Variants in SRRM1 observed in about 807,000 individuals in gnomAD.
SRRM1 encodes serine and arginine repetitive matrix 1, also known as serine/arginine repetitive matrix protein 1.
SRRM1 carries 19 observed loss-of-function variants against 110.2 expected under a neutral mutation model. The observed-to-expected ratio is 0.17, with a 90% CI of 0.12 to 0.25. SRRM1 has a LOEUF of 0.25. SRRM1 is among the 10% of genes least tolerant of loss of function. The pLI is 1.00. For missense variants in SRRM1, 918 were observed against 1,145.8 expected (o/e 0.80, Z 2.87); for synonymous variants, 443 against 414.9 (o/e 1.07, Z -0.82).
rs1038405035 is a variant in SRRM1 at position 24,667,965 on chromosome 1, C to CTTTTTTTTTTTTTTTTTTTT, written c.1739+1048_1739+1067dup. On this transcript the variant is annotated intron_variant, in intron 13 of 16. Transcript: ENST00000323848. The stretch of plus-strand genomic sequence containing the variant: ...AGCAATGTAATGACATGCTGCCACT[C>CTTTTTTTTTTTTTTTTTTTT]TTTTTTTTTTTTTTTTTTTTTTTTT... Among the ~76,000 whole-genome samples, 24 of 68,528 alleles carry CTTTTTTTTTTTTTTTTTTTT rather than the reference C, an allele frequency of 3.5e-4. 5 individuals carry two copies. The highest frequency in any genetic ancestry group is 3.8e-4 in the Non-Finnish European group (14 of 36,858). 45.0% of individuals were successfully genotyped at this position (68,528 alleles called of 152,430 possible).
Position 24,651,441 on chromosome 1 carries a change from G to A in SRRM1, c.554G>A (p.Arg185Gln), listed in dbSNP as rs765002011. ...TCCAGATCTCCTTCCCCTAGAAGAC[G>A]ATCTTCCCCTGTCAGGAGAGAGAGA... The part of the protein sequence containing the change: ...RKSRSPSPRR[R>Q]SSPVRRERKR... Residue 185 changes from arginine to glutamine, a missense_variant, in exon 6 of 17, where the codon CGA becomes CAA. Arg to Gln is a conservative substitution (Grantham distance 43). Coordinates refer to ENST00000323848, the MANE Select transcript of SRRM1 (RefSeq NM_005839.4). The A allele has an allele frequency of 3.1e-6, 5 of 1,613,982 alleles. No individual in the cohort carries two copies. The highest frequency in any genetic ancestry group is 1.7e-5 in the Admixed American group (1 of 60,004).
At position 24,667,965 on chromosome 1, in the gene SRRM1, C is replaced by CTTTTTT. The variant is rs1038405035; in HGVS notation, c.1739+1062_1739+1067dup. On this transcript the variant is annotated intron_variant, in intron 13 of 16. Coordinates refer to ENST00000323848, the MANE Select transcript of SRRM1 (RefSeq NM_005839.4). ...AGCAATGTAATGACATGCTGCCACT[C>CTTTTTT]TTTTTTTTTTTTTTTTTTTTTTTTT... 2.6e-4 allele frequency among the ~76,000 whole-genome samples: 18 copies of CTTTTTT among 68,528 alleles called. 4 individuals carry two copies. Among genetic ancestry groups the CTTTTTT allele is most frequent in the African/African-American group, 6.2e-4 (9 of 14,550 alleles). 45.0% of individuals were successfully genotyped at this position (68,528 alleles called of 152,430 possible). A position where few individuals can be genotyped will look rare whatever the true frequency, so the allele number is the denominator to read the frequency against.
intron 8 of SRRM1, 141 bp from the exon 9 acceptor site, chr1:24,654,714 C>A: frequency 1.0e-6 from 1 of 977,134 alleles, no homozygotes; most frequent in Non-Finnish European, 1.5e-6. Flanking sequence ...TTCCCCCATT[C>A]TTTTGGACTC....
At position 24,646,762 on chromosome 1, in the gene SRRM1, G is replaced by A. The variant is rs1465207742; in HGVS notation, c.207G>A (p.Glu69=). The A allele has an allele frequency of 6.2e-7, 1 of 1,605,070 alleles. No individual in the cohort carries two copies. Among genetic ancestry groups the A allele is most frequent in the African/African-American group, 1.3e-5 (1 of 74,366 alleles). ...ILGFEDDVVI[E]FIFNQLEVKN... ...GGTTTGAAGATGATGTTGTGATTGA[G>A]TTTATATTCAACCAGCTGGAAGTGA... is the stretch of plus-strand genomic sequence containing the variant. The change falls in exon 3 of 17, where the codon GAG becomes GAA. Residue 69 remains glutamate (E), a synonymous_variant. Transcript: ENST00000323848.
At chr1:24,660,932 G>A in intron 10 of SRRM1, 133 bp downstream of exon 10, 1 of 573,390 alleles carries the variant, frequency 1.7e-6, no homozygotes, top group Non-Finnish European at 3.0e-6. Flanking sequence ...CTAAGACTCT[G>A]AAGGCAGACA....
At chr1:24,649,088 C>T in intron 4 of SRRM1, 59 bp downstream of exon 4, 1 of 1,477,842 alleles carries the variant, frequency 6.8e-7, no homozygotes, top group Non-Finnish European at 9.3e-7. Context: ...GCTGCCGAGA[C>T]ACCTTAGGTA....
At position 24,655,036 on chromosome 1, in the gene SRRM1, C is replaced by T; in HGVS notation, c.1222C>T (p.Pro408Ser). The change falls in exon 9 of 17, where the codon CCA (proline) becomes TCA (serine). Residue 408 changes from proline (P) to serine (S), a missense_variant. Coordinates refer to ENST00000323848, the MANE Select transcript of SRRM1 (RefSeq NM_005839.4). ...RHRPSPPATP[P>S]PKTRHSPTPQ... ...CAGGCCATCACCTCCTGCAACTCCA[C>T]CACCCAAAACTCGGCATTCCCCTAC... is the stretch of plus-strand genomic sequence containing the variant. The T allele has an allele frequency of 6.2e-7, 1 of 1,614,208 alleles. No individual in the cohort carries two copies. Among genetic ancestry groups the T allele is most frequent in the South Asian group, 1.1e-5 (1 of 91,082 alleles).
chr1:24,670,961 A>G (rs1032636411), intron 15 of SRRM1, among the ~76,000 whole-genome samples: 2 of 152,236 alleles, frequency 1.3e-5, no homozygotes, highest in Admixed American at 6.5e-5. Context: ...GTAGCTAGAG[A>G]CATGGCATTC....
intron 12 of SRRM1, among the ~76,000 whole-genome samples, chr1:24,664,489 G>A (rs1171178308): frequency 2.0e-5 from 3 of 152,194 alleles, no homozygotes; most frequent in Non-Finnish European, 4.4e-5. Flanking sequence ...ACACTAGTCT[G>A]TCTTAACCAG....
chr1:24,645,957 A>T (rs752405722), intron 1 of SRRM1, 27 bp from the exon 2 acceptor site: 1 of 1,593,124 alleles, frequency 6.3e-7, no homozygotes, highest in Admixed American at 1.7e-5. Context: ...TTGAACCCTT[A>T]GTTAAGATGT....
chr1:24,643,366 C>G lies in SRRM1; in HGVS notation c.21+19C>G. On this transcript the variant is annotated intron_variant, in intron 1 of 16. Coordinates refer to ENST00000323848, the MANE Select transcript of SRRM1 (RefSeq NM_005839.4). Reference sequence around the variant, plus strand: ...TTTCCGCGTAAGTAGAAGCGCCGGGCGCCGGGGTGAGGCCAGGGACTTCTC... The same window carrying G: ...TTTCCGCGTAAGTAGAAGCGCCGGGGGCCGGGGTGAGGCCAGGGACTTCTC... 6.5e-7 allele frequency: 1 copy of G among 1,546,178 alleles called. No homozygotes were observed. Among genetic ancestry groups the G allele is most frequent in the Non-Finnish European group, 8.7e-7 (1 of 1,152,038 alleles).
At chr1:24,651,263 A>G (rs1660499775) in intron 5 of SRRM1, 146 bp from the exon 6 acceptor site, 1 of 643,748 alleles carries the variant, frequency 1.6e-6, no homozygotes, top group Non-Finnish European at 2.7e-6. Context: ...TGTCAAGTAG[A>G]TTAGGTTAGC....
intron 12 of SRRM1, among the ~76,000 whole-genome samples, chr1:24,666,315 T>C (rs1441165246): frequency 1.3e-5 from 2 of 152,206 alleles, no homozygotes; most frequent in Non-Finnish European, 2.9e-5. Context: ...ATTAAGTTTT[T>C]TAATGCTGCC....
chr1:24,666,892 G>T lies in SRRM1; in HGVS notation c.1706G>T (p.Arg569Leu). The T allele has an allele frequency of 6.2e-7, 1 of 1,610,912 alleles. No individual in the cohort carries two copies. The highest frequency in any genetic ancestry group is 8.5e-7 in the Non-Finnish European group (1 of 1,179,046). The stretch of plus-strand genomic sequence containing the variant: ...CCTTCTCCCGCCCCTCCTCCTCGAC[G>T]GCGCAGGACTCCCACACCACCACCA... ...RSPSPAPPPR[R>L]RRTPTPPPRR... The change falls in exon 13 of 17, where the codon CGG becomes CTG. Residue 569 changes from arginine to leucine, a missense_variant. Physicochemically the swap from Arg to Leu is moderately radical, Grantham distance 102 (BLOSUM62 -2). Transcript: ENST00000323848.
chr1:24,654,370 C>T (rs1051985286), intron 8 of SRRM1: 1 of 1,288,666 alleles, frequency 7.8e-7, no homozygotes, highest in African/African-American at 1.5e-5. Flanking sequence ...CAGAACTTAA[C>T]ACAAATTTTG....
At chr1:24,655,474 C>T (rs1040815678) in intron 9 of SRRM1, among the ~76,000 whole-genome samples, 2 of 152,082 alleles carry the variant, frequency 1.3e-5, no homozygotes, top group Admixed American at 6.5e-5. Context: ...TTTTTTTCTC[C>T]TGAAGATTTT....
chr1:24,643,669 G>C, intron 1 of SRRM1: 1 of 367,786 alleles, frequency 2.7e-6, no homozygotes, highest in South Asian at 8.9e-5. Flanking sequence ...GTGCCGCCGG[G>C]TCCTGGGGCC....
chr1:24,645,402 A>G (rs1310134402), intron 1 of SRRM1, among the ~76,000 whole-genome samples: 1 of 152,216 alleles, frequency 6.6e-6, no homozygotes, highest in Admixed American at 6.5e-5. Flanking sequence ...TGATCACTCG[A>G]TGATCTAAGG....
chr1:24,649,459 C>T (rs1285545197), intron 4 of SRRM1, among the ~76,000 whole-genome samples: 1 of 152,222 alleles, frequency 6.6e-6, no homozygotes, highest in Non-Finnish European at 1.5e-5. Context: ...GCTGGGATTA[C>T]AGGCGCACAC....
Sources: allele counts gnomAD v4.1 joint callset (sites outside exome capture counted in the v4.1 genomes callset), GRCh38; gene constraint gnomAD v4.1.1; transcripts MANE v1.5; gene names NCBI Gene and HGNC (gene_info 2026-07-23, HGNC 2026-07-21).